Variants in RHPN2 observed in about 807,000 individuals in gnomAD.
The protein encoded by RHPN2 is rhophilin Rho GTPase binding protein 2.
Under a neutral mutation model 79.0 loss-of-function variants are expected in RHPN2, and 40 were observed. That is an observed-to-expected ratio of 0.51 (90% CI 0.39 to 0.66). The LOEUF is 0.66. Among genes scored for constraint, RHPN2 ranks in the 30% least tolerant of loss-of-function variants. The pLI, the probability that RHPN2 is intolerant of heterozygous loss-of-function variation, is 0.00. For synonymous variants in RHPN2, 285 were observed against 363.5 expected (o/e 0.78, Z 2.46); for missense variants, 686 against 883.5 (o/e 0.78, Z 2.83).
At chr19:32,981,471 A>AGGGAAGAGGGGAAGGAAT (rs1971574305) in intron 14 of RHPN2, among the ~76,000 whole-genome samples, 2 of 136,632 alleles carry the variant, frequency 1.5e-5, no homozygotes, top group Non-Finnish European at 3.1e-5. Flanking sequence ...GGGGAAGGAA[A>AGGGAAGAGGGGAAGGAAT]GGGAAGAGGA....
intron 1 of RHPN2, among the ~76,000 whole-genome samples, chr19:33,064,494 G>A (rs1420435263): frequency 6.6e-6 from 1 of 152,094 alleles, no homozygotes; most frequent in Non-Finnish European, 1.5e-5. Flanking sequence ...GGTGGGAGGG[G>A]GGAGACCCAA....
chr19:32,981,108 A>G (rs1310365076), intron 14 of RHPN2, among the ~76,000 whole-genome samples: 1 of 152,076 alleles, frequency 6.6e-6, no homozygotes, highest in Non-Finnish European at 1.5e-5. Flanking sequence ...TATAAGCGTG[A>G]GCCACCACGC....
intron 1 of RHPN2, among the ~76,000 whole-genome samples, chr19:33,057,908 C>G (rs1490978544): frequency 3.3e-5 from 5 of 152,068 alleles, no homozygotes; most frequent in Non-Finnish European, 7.4e-5. Context: ...ACCTGTAATC[C>G]CAGCACTTTG....
At chr19:33,051,717 T>G (rs1972189478) in intron 1 of RHPN2, 1 of 194,142 alleles carries the variant, frequency 5.2e-6, no homozygotes, top group African/African-American at 2.4e-5. Context: ...AGTGAGAAAG[T>G]GGCTGTCTAA....
At chr19:33,027,719 CAATAT>C (rs1205550228) in intron 2 of RHPN2, among the ~76,000 whole-genome samples, 8 of 151,742 alleles carry the variant, frequency 5.3e-5, no homozygotes, top group Non-Finnish European at 8.8e-5. Flanking sequence ...ATCTGAACAT[CAATAT>C]AATATAATAT....
intron 6 of RHPN2, among the ~76,000 whole-genome samples, chr19:33,009,009 G>C (rs1443431155): frequency 9.1e-6 from 1 of 110,304 alleles, no homozygotes; most frequent in African/African-American, 4.2e-5. Context: ...GAGCCAACCT[G>C]AACATTGCTA....
chr19:33,034,728 C>G (rs1172134141), intron 2 of RHPN2, among the ~76,000 whole-genome samples: 1 of 145,296 alleles, frequency 6.9e-6, no homozygotes, highest in Non-Finnish European at 1.5e-5. Flanking sequence ...CTGTGGTGAG[C>G]CAAGATCATC....
intron 14 of RHPN2, among the ~76,000 whole-genome samples, chr19:32,982,713 C>A (rs1185603741): frequency 6.6e-6 from 1 of 152,036 alleles, no homozygotes; most frequent in African/African-American, 2.4e-5. Context: ...CTTCCATCTG[C>A]CCCCACTCGC....
chr19:32,995,352 C>T (rs12978867), intron 11 of RHPN2, among the ~76,000 whole-genome samples: 18 of 151,420 alleles, frequency 1.2e-4, no homozygotes, highest in Non-Finnish European at 2.7e-4. Context: ...GCTGAGATTA[C>T]AGGTTTGAGC....
At chr19:33,038,710 T>G (rs1244406201) in intron 2 of RHPN2, among the ~76,000 whole-genome samples, 1 of 152,088 alleles carries the variant, frequency 6.6e-6, no homozygotes, top group African/African-American at 2.4e-5. Flanking sequence ...CAGGCTGGAG[T>G]GCAATGGCGC....
At position 33,002,231 on chromosome 19, in the gene RHPN2, A is replaced by T; in HGVS notation, c.1105+16T>A. Reference sequence around the variant, plus strand: ...ACCACAGCCCTCGCCAAACTCCCGAACCCCCCAGGCCTTACCCTGGTGGTC... The same window carrying T: ...ACCACAGCCCTCGCCAAACTCCCGATCCCCCCAGGCCTTACCCTGGTGGTC... On this transcript the variant is annotated intron_variant, in intron 9 of 14. Coordinates refer to ENST00000254260, the MANE Select transcript of RHPN2 (RefSeq NM_033103.5). 6.2e-7 allele frequency: 1 copy of T among 1,611,476 alleles called. No homozygotes were observed. The highest frequency in any genetic ancestry group is 1.3e-5 in the African/African-American group (1 of 74,830).
At position 33,026,638 on chromosome 19, in the gene RHPN2, CA is replaced by C. The variant is rs763847808; in HGVS notation, c.186-7del. 1.6e-5 allele frequency: 25 copies of C among 1,604,848 alleles called. No individual in the cohort carries two copies. The highest frequency in any genetic ancestry group is 2.0e-5 in the Non-Finnish European group (24 of 1,178,480). The stretch of plus-strand genomic sequence containing the variant: ...CCTTTGAGTTTGTGGCCACTCTGTT[CA>C]AAGAGAAGAGGGAGAGAAGTGCCCT... On this transcript the variant is annotated splice_region_variant and splice_polypyrimidine_tract_variant and intron_variant, in intron 2 of 14. Transcript: ENST00000254260.
intron 1 of RHPN2, among the ~76,000 whole-genome samples, chr19:33,058,517 C>G (rs1972252688): frequency 1.3e-5 from 2 of 152,186 alleles, no homozygotes; most frequent in Non-Finnish European, 2.9e-5. Context: ...CGCAGTGGCT[C>G]ATGCCTGTAA....
chr19:33,006,530 G>A (rs1435176593), intron 7 of RHPN2, among the ~76,000 whole-genome samples: 1 of 152,158 alleles, frequency 6.6e-6, no homozygotes, highest in African/African-American at 2.4e-5. Flanking sequence ...GGGTGGAAGG[G>A]GATCACACCC....
intron 10 of RHPN2, among the ~76,000 whole-genome samples, chr19:32,996,709 C>G (rs1045369827): frequency 5.9e-5 from 9 of 151,832 alleles, no homozygotes; most frequent in South Asian, 2.1e-4. Context: ...GTTAAACCCC[C>G]CTCCCCTATT....
Position 33,010,619 on chromosome 19 carries a change from G to A in RHPN2, c.593+1060C>T, listed in dbSNP as rs544475720. Among the ~76,000 whole-genome samples the A allele has an allele frequency of 3.3e-5, 5 of 151,868 alleles. No homozygotes were observed. In the South Asian group the frequency reaches 1.0e-3, roughly 32 times the overall value. On this transcript the variant is annotated intron_variant, in intron 6 of 14. Coordinates refer to ENST00000254260, the MANE Select transcript of RHPN2 (RefSeq NM_033103.5). ...AGGCTGGTCTCGAACTCCTGACCTC[G>A]TGATCTGCCTGCCTTGGCCTCCCAA...
chr19:32,997,990 G>A (rs1006498846), intron 10 of RHPN2, among the ~76,000 whole-genome samples: 13 of 152,190 alleles, frequency 8.5e-5, no homozygotes, highest in African/African-American at 3.1e-4. Context: ...CGGACCTCAC[G>A]CGTGTGAGAT....
At chr19:32,995,947 G>A (rs781779568) in intron 11 of RHPN2, 79 bp downstream of exon 11, 12 of 1,399,934 alleles carry the variant, frequency 8.6e-6, no homozygotes, top group South Asian at 5.8e-5. Context: ...GCGAGGGCTC[G>A]CTCAACCCCC....
chr19:33,059,469 T>G (rs1972262144), intron 1 of RHPN2, among the ~76,000 whole-genome samples: 1 of 151,880 alleles, frequency 6.6e-6, no homozygotes, highest in Admixed American at 6.6e-5. Flanking sequence ...TTGCTCATTT[T>G]TTGTATTTTT....
Sources: allele counts gnomAD v4.1 joint callset (sites outside exome capture counted in the v4.1 genomes callset), GRCh38; gene constraint gnomAD v4.1.1; transcripts MANE v1.5; gene names NCBI Gene and HGNC (gene_info 2026-07-23, HGNC 2026-07-21).